SLC35F3: variants seen among roughly 807,000 people sequenced by gnomAD.
SLC35F3 encodes solute carrier family 35 member F3.
In SLC35F3, 25 loss-of-function variants were observed where a neutral mutation model predicts 49.9. That is an observed-to-expected ratio of 0.50 (90% CI 0.37 to 0.70). The LOEUF is 0.70. Among genes scored for constraint, SLC35F3 ranks in the 30% least tolerant of loss-of-function variants. The pLI is 0.00. For synonymous variants in SLC35F3, 275 were observed against 265.4 expected (o/e 1.04, Z -0.35); for missense variants, 525 against 639.8 (o/e 0.82, Z 1.94).
At chr1:234,069,899 G>C (rs917940976) in intron 2 of SLC35F3, among the ~76,000 whole-genome samples, 2 of 152,202 alleles carry the variant, frequency 1.3e-5, no homozygotes, top group African/African-American at 2.4e-5. Flanking sequence ...CATTCTGGCT[G>C]CCAGCTTCTG....
In SLC35F3 at chr1:234,237,780, A is replaced by G. The variant is rs1015252414; in HGVS notation, c.608+6039A>G. On this transcript the variant is annotated intron_variant, in intron 3 of 7. Transcript: ENST00000366618. ...TAGGAACTGAGGATACAGCAGTGAC[A>G]AGAGCAAGTGGAAATGCCCTTTACC... Among the ~76,000 whole-genome samples, 14 of 152,218 alleles carry G rather than the reference A, an allele frequency of 9.2e-5. 1 individual carries two copies. The highest frequency in any genetic ancestry group is 8.5e-4 in the Admixed American group (13 of 15,288).
At chr1:234,302,962 T>G (rs1668717135) in intron 3 of SLC35F3, among the ~76,000 whole-genome samples, 1 of 152,190 alleles carries the variant, frequency 6.6e-6, no homozygotes, top group East Asian at 1.9e-4. Context: ...TTCTTCCAGC[T>G]CCACATCTGC....
At chr1:234,203,066 C>G (rs1666923206) in intron 2 of SLC35F3, among the ~76,000 whole-genome samples, 1 of 152,300 alleles carries the variant, frequency 6.6e-6, no homozygotes, top group East Asian at 1.9e-4. Context: ...CTCACCTTCT[C>G]CTTTCTCCAT....
At chr1:234,094,368 A>G (rs574070493) in intron 2 of SLC35F3, among the ~76,000 whole-genome samples, 2 of 152,342 alleles carry the variant, frequency 1.3e-5, no homozygotes, top group East Asian at 3.8e-4. Flanking sequence ...GCTTCATGCA[A>G]TGAATTATCT....
intron 2 of SLC35F3, among the ~76,000 whole-genome samples, chr1:234,148,098 C>T (rs1339947824): frequency 1.3e-5 from 2 of 152,190 alleles, no homozygotes; most frequent in Non-Finnish European, 2.9e-5. Context: ...AAGATTCACC[C>T]CGGCAAGGTT....
chr1:234,031,910 T>G (rs1200550504), intron 2 of SLC35F3, among the ~76,000 whole-genome samples: 3 of 152,186 alleles, frequency 2.0e-5, no homozygotes, highest in Admixed American at 6.5e-5. Flanking sequence ...TTCTTAAAAT[T>G]TATGTATTAT....
rs138137688 is a variant in SLC35F3 at position 234,259,567 on chromosome 1, G to A, written c.608+27826G>A. On this transcript the variant is annotated intron_variant, in intron 3 of 7. Transcript: ENST00000366618. ...TGCGTACCTGTAGTCCCAGCTACTC[G>A]GGAGGCTGAGACAGGAAAATTGCTT... Among the ~76,000 whole-genome samples, 1,211 of 152,136 alleles carry A rather than the reference G, an allele frequency of 8.0e-3. 18 individuals are homozygous for A. Among genetic ancestry groups the A allele is most frequent in the African/African-American group, 0.028 (1,149 of 41,512 alleles).
intron 2 of SLC35F3, among the ~76,000 whole-genome samples, chr1:234,032,358 A>C (rs1401894268): frequency 6.6e-6 from 1 of 151,396 alleles, no homozygotes; most frequent in Admixed American, 6.6e-5. Flanking sequence ...TTCTTTTTAT[A>C]TTTTTTTCTT....
At chr1:234,066,830 CCACACACACACACACACACA>C (rs61401819) in intron 2 of SLC35F3, among the ~76,000 whole-genome samples, 4 of 135,120 alleles carry the variant, frequency 3.0e-5, no homozygotes, top group Non-Finnish European at 4.7e-5. Flanking sequence ...CCTCTCTCTC[CCACACACACACACACACACA>C]CACACACACA....
At chr1:234,112,884 C>T (rs1665430298) in intron 2 of SLC35F3, among the ~76,000 whole-genome samples, 1 of 151,332 alleles carries the variant, frequency 6.6e-6, no homozygotes, top group South Asian at 2.1e-4. Context: ...CTATAATTCA[C>T]ATTCTTAATG....
chr1:234,291,126 C>A (rs12047514), intron 3 of SLC35F3, among the ~76,000 whole-genome samples: 1 of 152,302 alleles, frequency 6.6e-6, no homozygotes, highest in East Asian at 1.9e-4. Flanking sequence ...CGCCACCCCC[C>A]AAACCACCAA....
chr1:233,979,581 G>A (rs536164314), intron 2 of SLC35F3, among the ~76,000 whole-genome samples: 9 of 152,222 alleles, frequency 5.9e-5, no homozygotes, highest in Non-Finnish European at 1.0e-4. Context: ...ATATTGCCTC[G>A]TCATTGGATA....
intron 2 of SLC35F3, among the ~76,000 whole-genome samples, chr1:233,927,493 G>A (rs904312965): frequency 1.3e-5 from 2 of 152,044 alleles, no homozygotes; most frequent in African/African-American, 4.8e-5. Context: ...GTATGGGCAC[G>A]TGTACTACTT....
At chr1:234,033,675 C>T (rs569900437) in intron 2 of SLC35F3, among the ~76,000 whole-genome samples, 6 of 152,260 alleles carry the variant, frequency 3.9e-5, no homozygotes, top group African/African-American at 4.8e-5. Flanking sequence ...AAGTATTTGG[C>T]TTTACTTCCA....
chr1:233,923,762 T>C (rs1357765362), intron 2 of SLC35F3, among the ~76,000 whole-genome samples: 1 of 152,174 alleles, frequency 6.6e-6, no homozygotes, highest in Non-Finnish European at 1.5e-5. Context: ...TTTGCCCATT[T>C]AGTATGATAT....
intron 2 of SLC35F3, among the ~76,000 whole-genome samples, chr1:234,205,902 G>A (rs554815720): frequency 1.5e-3 from 223 of 152,290 alleles, no homozygotes; most frequent in African/African-American, 5.0e-3. Context: ...GGACCTGGGG[G>A]TGCAGGGGGT....
chr1:234,238,515 G>T (rs149269025), intron 3 of SLC35F3, among the ~76,000 whole-genome samples: 1 of 152,160 alleles, frequency 6.6e-6, no homozygotes, highest in Non-Finnish European at 1.5e-5. Context: ...TGACATCACC[G>T]TCTGAGTTTA....
At chr1:234,211,176 T>A (rs1667041606) in intron 2 of SLC35F3, among the ~76,000 whole-genome samples, 1 of 152,250 alleles carries the variant, frequency 6.6e-6, no homozygotes, top group Admixed American at 6.5e-5. Flanking sequence ...TTTACCTAGA[T>A]TTCAGAGGAT....
chr1:233,918,989 G>T (rs542844063), intron 2 of SLC35F3, among the ~76,000 whole-genome samples: 1 of 152,130 alleles, frequency 6.6e-6, no homozygotes, highest in African/African-American at 2.4e-5. Context: ...TACATCAAAT[G>T]ACAGATGAAT....
Sources: allele counts gnomAD v4.1 joint callset (sites outside exome capture counted in the v4.1 genomes callset), GRCh38; gene constraint gnomAD v4.1.1; transcripts MANE v1.5; gene names NCBI Gene and HGNC (gene_info 2026-07-23, HGNC 2026-07-21).